The following METTL15 variants were observed in gnomAD, a reference collection of about 807,000 sequenced individuals.
METTL15 encodes the protein methyltransferase 15, mitochondrial 12S rRNA N4-cytidine, also known as 12S rRNA N(4)-cytidine methyltransferase METTL15.
In METTL15, 34 loss-of-function variants were observed where a neutral mutation model predicts 38.3. The ratio of observed to expected loss-of-function variants is 0.89; its 90% CI spans 0.68 to 1.18. The LOEUF (loss-of-function observed/expected upper bound fraction) is 1.18. Among genes scored for constraint, METTL15 ranks in the 50% most tolerant of loss-of-function variants. METTL15 has a pLI of 0.00. For missense variants in METTL15, 438 were observed against 498.4 expected (o/e 0.88, Z 1.15); for synonymous variants, 162 against 170.9 (o/e 0.95, Z 0.41).
At chr11:28,254,193 C>T (rs895769534) in intron 4 of METTL15, among the ~76,000 whole-genome samples, 1 of 152,152 alleles carries the variant, frequency 6.6e-6, no homozygotes, top group African/African-American at 2.4e-5. Flanking sequence ...GAGATGACAT[C>T]TCATTGTAGT....
intron 6 of METTL15, among the ~76,000 whole-genome samples, chr11:28,431,257 C>A (rs956914749): frequency 6.3e-4 from 91 of 145,146 alleles, no homozygotes; most frequent in African/African-American, 2.2e-3. Flanking sequence ...CTCTGCCCAG[C>A]CACCACCCCG....
At chr11:28,175,422 C>T (rs544868947) in intron 3 of METTL15, among the ~76,000 whole-genome samples, 2 of 152,202 alleles carry the variant, frequency 1.3e-5, no homozygotes, top group East Asian at 3.9e-4. Context: ...ATGCATGTGT[C>T]TTTATAGCAG....
At chr11:28,319,883 A>G (rs1565251957) in intron 6 of METTL15, among the ~76,000 whole-genome samples, 1 of 152,198 alleles carries the variant, frequency 6.6e-6, no homozygotes, top group East Asian at 1.9e-4. Flanking sequence ...TTGACAACAG[A>G]TACATTGGTG....
At chr11:28,411,375 A>G (rs1018123079) in intron 5 of METTL15, among the ~76,000 whole-genome samples, 2 of 152,124 alleles carry the variant, frequency 1.3e-5, no homozygotes, top group African/African-American at 4.8e-5. Flanking sequence ...TAGTACTGGC[A>G]TAAAAACAGA....
chr11:28,370,646 G>A (rs949278295), intron 5 of METTL15, among the ~76,000 whole-genome samples: 4 of 151,880 alleles, frequency 2.6e-5, no homozygotes, highest in Non-Finnish European at 4.4e-5. Flanking sequence ...TTTCCATAGT[G>A]ACTGTGTTAA....
chr11:28,246,277 A>G (rs1180444669), intron 4 of METTL15, among the ~76,000 whole-genome samples: 1 of 152,188 alleles, frequency 6.6e-6, no homozygotes, highest in African/African-American at 2.4e-5. Flanking sequence ...ATGTATTAAA[A>G]TATCATATGT....
intron 4 of METTL15, among the ~76,000 whole-genome samples, chr11:28,214,188 A>G (rs1290955328): frequency 6.6e-6 from 1 of 151,774 alleles, no homozygotes; most frequent in Non-Finnish European, 1.5e-5. Flanking sequence ...GACTACAGGT[A>G]TGCACCTGTC....
intron 5 of METTL15, among the ~76,000 whole-genome samples, chr11:28,392,995 G>GA (rs1270454821): frequency 2.0e-5 from 3 of 151,536 alleles, no homozygotes; most frequent in Middle Eastern, 3.4e-3. Context: ...GGAAAAAAAA[G>GA]AAAAAAAAGC....
intron 3 of METTL15, among the ~76,000 whole-genome samples, chr11:28,116,475 T>C (rs1414195985): frequency 6.6e-6 from 1 of 152,220 alleles, no homozygotes; most frequent in Non-Finnish European, 1.5e-5. Context: ...AGAGCAAAGA[T>C]TCTGGAACTG....
chr11:28,392,568 A>G (rs1475606300), intron 5 of METTL15, among the ~76,000 whole-genome samples: 2 of 152,140 alleles, frequency 1.3e-5, no homozygotes, highest in Admixed American at 1.3e-4. Context: ...AAGAAAATAT[A>G]GGGGAAAGCT....
chr11:28,112,778 T>C (rs1851772174), intron 2 of METTL15, among the ~76,000 whole-genome samples: 1 of 152,162 alleles, frequency 6.6e-6, no homozygotes, highest in Admixed American at 6.5e-5. Flanking sequence ...ACTGATTATC[T>C]TTTTTATTTT....
chr11:28,385,110 GAT>G (rs1850427005), intron 5 of METTL15, among the ~76,000 whole-genome samples: 1 of 152,166 alleles, frequency 6.6e-6, no homozygotes, highest in Non-Finnish European at 1.5e-5. Context: ...TTACTCTGTT[GAT>G]AGTTTCCTTT....
At chr11:28,267,924 G>A (rs1050360495) in intron 4 of METTL15, among the ~76,000 whole-genome samples, 3 of 152,042 alleles carry the variant, frequency 2.0e-5, no homozygotes, top group Non-Finnish European at 2.9e-5. Context: ...TTGGCCGGGC[G>A]CGGTGGCTCA....
chr11:28,433,116 A>C (rs539030138), intron 6 of METTL15, among the ~76,000 whole-genome samples: 1 of 151,470 alleles, frequency 6.6e-6, no homozygotes, highest in East Asian at 1.9e-4. Flanking sequence ...ATAAAATCCA[A>C]AGTTTCCTTG....
downstream of METTL15, among the ~76,000 whole-genome samples, chr11:28,337,649 AC>A (rs1216546134): frequency 6.6e-6 from 1 of 152,142 alleles, no homozygotes; most frequent in African/African-American, 2.4e-5. Flanking sequence ...TCATACAAGC[AC>A]TATTCATAGT....
intron 3 of METTL15, among the ~76,000 whole-genome samples, chr11:28,346,371 C>T (rs970887633): frequency 2.0e-5 from 3 of 151,990 alleles, no homozygotes; most frequent in East Asian, 3.9e-4. Context: ...AATGTGGCTA[C>T]AATATTACAG....
intron 6 of METTL15, among the ~76,000 whole-genome samples, chr11:28,472,866 C>T (rs941995185): frequency 1.3e-5 from 2 of 151,434 alleles, no homozygotes; most frequent in Non-Finnish European, 2.9e-5. Flanking sequence ...TTAGAGAATT[C>T]TAGAGACTGA....
intron 4 of METTL15, among the ~76,000 whole-genome samples, chr11:28,357,684 C>A (rs1461658928): frequency 6.6e-6 from 1 of 152,146 alleles, no homozygotes; most frequent in African/African-American, 2.4e-5. Flanking sequence ...CCAACCTATA[C>A]CTTCACTGAC....
intron 6 of METTL15, among the ~76,000 whole-genome samples, chr11:28,441,212 G>A (rs912770427): frequency 2.0e-5 from 3 of 151,952 alleles, no homozygotes; most frequent in East Asian, 1.9e-4. Flanking sequence ...AGCCTCCGGA[G>A]TAGCTGGGGC....
Sources: allele counts gnomAD v4.1 joint callset (sites outside exome capture counted in the v4.1 genomes callset), GRCh38; gene constraint gnomAD v4.1.1; transcripts MANE v1.5; gene names NCBI Gene and HGNC (gene_info 2026-07-23, HGNC 2026-07-21).